Variants in COP1 observed in about 807,000 individuals in gnomAD.
COP1 encodes E3 ubiquitin-protein ligase COP1.
Under a neutral mutation model 101.3 loss-of-function variants are expected in COP1, and 24 were observed. The ratio of observed to expected loss-of-function variants is 0.24; its 90% confidence interval spans 0.17 to 0.33. The LOEUF is 0.33. Among genes scored for constraint, COP1 ranks in the 10% least tolerant of loss-of-function variants. The pLI is 1.00. For synonymous variants in COP1, 347 were observed against 341.9 expected, an observed-to-expected ratio of 1.01 and a Z score of -0.17; for missense variants, 663 against 906.2, an observed-to-expected ratio of 0.73 and a Z score of 3.45.
intron 18 of COP1, among the ~76,000 whole-genome samples, chr1:175,985,881 G>C (rs1231114971): frequency 1.3e-5 from 2 of 152,074 alleles, no homozygotes; most frequent in African/African-American, 4.8e-5. Context: ...AAATTAAAGT[G>C]AAACTATACC....
Position 176,135,044 on chromosome 1 carries a change from C to G in COP1, c.934G>C (p.Val312Leu). The G allele has an allele frequency of 6.2e-7, 1 of 1,611,098 alleles. No individual in the cohort carries two copies. Among genetic ancestry groups the G allele is most frequent in the East Asian group, 2.2e-5 (1 of 44,794 alleles). The change falls in exon 8 of 20, where the codon GTG becomes CTG. Residue 312 changes from valine to leucine, a missense_variant. Physicochemically the swap from Val to Leu is conservative, Grantham distance 32. Around this residue, in one of 4 missense-constraint regions of COP1, gnomAD observed 212 missense variants for 240.7 expected, o/e 0.88. Transcript: ENST00000367669. ...LYSPVSEDST[V>L]PQFEAPSPSH... Reference sequence around the variant, plus strand: ...GGAGAAGGAGCTTCAAATTGAGGCACTGTGCTATCCTCACTGACAGGAGAG... The same window carrying G: ...GGAGAAGGAGCTTCAAATTGAGGCAGTGTGCTATCCTCACTGACAGGAGAG...
Position 175,970,832 on chromosome 1 carries a change from T to C in COP1, c.2133+16111A>G, listed in dbSNP as rs1331330878. On this transcript the variant is annotated intron_variant, in intron 18 of 19. Coordinates refer to ENST00000367669, the MANE Select transcript of COP1 (RefSeq NM_022457.7). ...CCAAAATATACCAGATAGAGGTACATGCAAATGCTGAATTTGAAAAAAACT... is the reference window on the plus strand; with the variant it reads ...CCAAAATATACCAGATAGAGGTACACGCAAATGCTGAATTTGAAAAAAACT... Among the ~76,000 whole-genome samples, 3 of 152,192 alleles carry C rather than the reference T, an allele frequency of 2.0e-5. No individual in the cohort carries two copies. The East Asian group carries it at 5.8e-4, about 29-fold the overall frequency.
At chr1:176,095,283 T>A (rs1682126660) in intron 9 of COP1, among the ~76,000 whole-genome samples, 1 of 152,230 alleles carries the variant, frequency 6.6e-6, no homozygotes, top group Non-Finnish European at 1.5e-5. Flanking sequence ...TTTAGAATAG[T>A]GGTTATCATA....
At chr1:175,963,093 A>G (rs1435350806) in intron 18 of COP1, among the ~76,000 whole-genome samples, 1 of 152,136 alleles carries the variant, frequency 6.6e-6, no homozygotes, top group Non-Finnish European at 1.5e-5. Context: ...AAAACCCTGA[A>G]TAATTAAATT....
At chr1:176,052,936 T>C (rs77903848) in intron 11 of COP1, among the ~76,000 whole-genome samples, 2,908 of 152,248 alleles carry the variant, frequency 0.019, 96 homozygotes, top group African/African-American at 0.066. Flanking sequence ...CAGATTTACA[T>C]TGCCTGGATG....
intron 15 of COP1, among the ~76,000 whole-genome samples, chr1:175,992,604 T>C (rs781634671): frequency 2.0e-4 from 30 of 152,224 alleles, no homozygotes; most frequent in Non-Finnish European, 4.1e-4. Flanking sequence ...ATCCCGCACC[T>C]GGCTCGGAGG....
At chr1:176,041,275 T>C (rs914085570) in intron 14 of COP1, among the ~76,000 whole-genome samples, 6 of 152,150 alleles carry the variant, frequency 3.9e-5, no homozygotes, top group Admixed American at 6.5e-5. Context: ...ATCATTAGAA[T>C]AAGGATGCAG....
intron 1 of COP1, 82 bp downstream of exon 1, chr1:176,206,490 C>T: frequency 6.5e-7 from 1 of 1,537,126 alleles, no homozygotes; most frequent in South Asian, 1.1e-5. Context: ...CAAGCCACCC[C>T]CACACCAGAC....
chr1:175,968,415 G>C (rs764560958), intron 18 of COP1: 2 of 517,288 alleles, frequency 3.9e-6, no homozygotes, highest in Non-Finnish European at 7.7e-6. Flanking sequence ...GGAGGGGAAC[G>C]ATCAGACTTA....
intron 7 of COP1, among the ~76,000 whole-genome samples, chr1:176,135,470 A>T (rs1572450460): frequency 6.6e-6 from 1 of 152,258 alleles, no homozygotes; most frequent in East Asian, 1.9e-4. Context: ...ATGTTAAGAT[A>T]AATATGACAG....
intron 9 of COP1, among the ~76,000 whole-genome samples, chr1:176,092,636 T>C (rs954741257): frequency 3.3e-5 from 5 of 152,060 alleles, no homozygotes; most frequent in Admixed American, 6.6e-5. Context: ...AAAATAAAAA[T>C]TAAAGTCGCA....
Position 176,206,658 on chromosome 1 carries a change from G to T in COP1, c.321C>A (p.Gly107=). 1 of 1,611,212 alleles carries T rather than the reference G, an allele frequency of 6.2e-7. No homozygotes were observed. Among genetic ancestry groups the T allele is most frequent in the Non-Finnish European group, 8.5e-7 (1 of 1,179,954 alleles). ...GGAGAGGTCGCTTCCTGCTGCCGCT[G>T]CCTAGGCTGGAGCTGCTGCCTCCTA... ...AGVGGSSSSL[G]SGSRKRPLLA... Residue 107 remains glycine (G), a synonymous_variant, in exon 1 of 20, where the codon GGC becomes GGA. Transcript: ENST00000367669.
intron 14 of COP1, among the ~76,000 whole-genome samples, chr1:176,035,710 C>CAAAAAAAAAAAAAAAAAAAAACAAAAA (rs1669389600): frequency 2.7e-5 from 2 of 73,112 alleles, no homozygotes; most frequent in Non-Finnish European, 5.0e-5. Flanking sequence ...AAAACGAGAC[C>CAAAAAAAAAAAAAAAAAAAAACAAAAA]AAAAAAAAAA....
chr1:176,155,714 T>C (rs1006555324), intron 5 of COP1, among the ~76,000 whole-genome samples: 3 of 151,968 alleles, frequency 2.0e-5, no homozygotes, highest in Admixed American at 2.0e-4. Context: ...AGGAATAACA[T>C]AGTCAAATTG....
At chr1:176,086,081 C>T (rs1398263744) in intron 9 of COP1, among the ~76,000 whole-genome samples, 191 bp from the exon 10 acceptor site, 1 of 152,080 alleles carries the variant, frequency 6.6e-6, no homozygotes, top group Non-Finnish European at 1.5e-5. Flanking sequence ...AATTCATTCG[C>T]AGAATGATTA....
At chr1:176,116,047 G>C (rs1360482021) in intron 9 of COP1, among the ~76,000 whole-genome samples, 1 of 152,160 alleles carries the variant, frequency 6.6e-6, no homozygotes, top group African/African-American at 2.4e-5. Flanking sequence ...TTTTCCTAAA[G>C]TATTTCCTTC....
At chr1:176,115,418 C>A (rs1022569902) in intron 9 of COP1, among the ~76,000 whole-genome samples, 1 of 151,802 alleles carries the variant, frequency 6.6e-6, no homozygotes, top group Admixed American at 6.6e-5. Context: ...CCACTGCACT[C>A]CAGCCTGGGC....
intron 11 of COP1, among the ~76,000 whole-genome samples, chr1:176,073,949 CTTTG>C (rs200588441): frequency 6.6e-6 from 1 of 152,036 alleles, no homozygotes; most frequent in East Asian, 1.9e-4. Context: ...GTTTAGGCCT[CTTTG>C]TTTGAGACAG....
intron 11 of COP1, among the ~76,000 whole-genome samples, chr1:176,051,272 T>C (rs531055630): frequency 2.3e-4 from 35 of 152,280 alleles, no homozygotes; most frequent in African/African-American, 7.5e-4. Flanking sequence ...CTAACATAGC[T>C]GCTGAAAAAA....
Sources: allele counts gnomAD v4.1 joint callset (sites outside exome capture counted in the v4.1 genomes callset), GRCh38; gene constraint gnomAD v4.1.1; regional missense constraint gnomAD v4.1.1; transcripts MANE v1.5; gene names NCBI Gene and HGNC (gene_info 2026-07-23, HGNC 2026-07-21).